NALCN: variants seen among roughly 807,000 people sequenced by gnomAD.
The protein encoded by NALCN is sodium leak channel, non-selective.
A neutral mutation model predicts 225.3 loss-of-function variants in NALCN; 111 were observed. That is an observed-to-expected ratio of 0.49 (90% CI 0.42 to 0.58). The LOEUF (loss-of-function observed/expected upper bound fraction) is 0.58, where lower values mean the gene tolerates loss of function less well. Ranked by LOEUF, NALCN falls within the 20% of genes least tolerant of loss-of-function variation. NALCN has a pLI of 0.00. For missense variants in NALCN, 1,378 were observed against 2,202.4 expected (o/e 0.63, Z 7.49); for synonymous variants, 764 against 769.0 (o/e 0.99, Z 0.11).
intron 7 of NALCN, among the ~76,000 whole-genome samples, chr13:101,343,344 G>A (rs981780801): frequency 6.6e-6 from 1 of 152,154 alleles, no homozygotes; most frequent in African/African-American, 2.4e-5. Flanking sequence ...TAAGCAAACG[G>A]ATGAAATTAA....
intron 10 of NALCN, among the ~76,000 whole-genome samples, chr13:101,264,534 A>C (rs1272696781): frequency 1.3e-5 from 2 of 152,128 alleles, no homozygotes; most frequent in African/African-American, 4.8e-5. Flanking sequence ...ATTATTAAGA[A>C]TGCAGGATCT....
chr13:101,066,270 A>G lies in NALCN; in HGVS notation c.4447-709T>C, dbSNP rs552023074. Among the ~76,000 whole-genome samples the G allele has an allele frequency of 2.7e-5, 4 of 149,600 alleles. No homozygotes were observed. The South Asian group carries it at 8.4e-4, about 31-fold the overall frequency. ...GAACCCAGGAAGCAGAGGTTGCACC[A>G]CTGCATTCCAGCCTGGAGACAGAGT... is the stretch of plus-strand genomic sequence containing the variant. On this transcript the variant is annotated intron_variant, in intron 39 of 43. Transcript: ENST00000251127.
chr13:101,209,756 T>G (rs1415807945), intron 13 of NALCN, among the ~76,000 whole-genome samples: 4 of 152,192 alleles, frequency 2.6e-5, no homozygotes, highest in Non-Finnish European at 4.4e-5. Context: ...TCCCACTGGC[T>G]TTACTTCATT....
intron 1 of NALCN, among the ~76,000 whole-genome samples, chr13:101,404,939 A>G (rs183014195): frequency 8.5e-5 from 13 of 152,362 alleles, no homozygotes; most frequent in Admixed American, 5.9e-4. Context: ...CCCAGTGTTA[A>G]ATTTGTATCT....
At chr13:101,269,010 A>T (rs934569207) in intron 10 of NALCN, among the ~76,000 whole-genome samples, 2 of 152,222 alleles carry the variant, frequency 1.3e-5, no homozygotes, top group Non-Finnish European at 2.9e-5. Flanking sequence ...TTATGGATTA[A>T]GAACTCAATA....
chr13:101,281,232 C>T (rs1004542201), intron 10 of NALCN, among the ~76,000 whole-genome samples: 1 of 152,158 alleles, frequency 6.6e-6, no homozygotes, highest in Non-Finnish European at 1.5e-5. Flanking sequence ...TATATATTCT[C>T]ATTGCATCTT....
At chr13:101,365,386 C>G (rs1191174023) in intron 6 of NALCN, among the ~76,000 whole-genome samples, 1 of 152,122 alleles carries the variant, frequency 6.6e-6, no homozygotes, top group Non-Finnish European at 1.5e-5. Context: ...CTCATTCTTT[C>G]TCATGGCTGC....
At chr13:101,324,705 A>G (rs1037745132) in intron 7 of NALCN, among the ~76,000 whole-genome samples, 1 of 152,180 alleles carries the variant, frequency 6.6e-6, no homozygotes, top group African/African-American at 2.4e-5. Context: ...TAGATATACA[A>G]TCATGTCATC....
At chr13:101,142,108 C>T (rs1456552899) in intron 17 of NALCN, among the ~76,000 whole-genome samples, 2 of 142,542 alleles carry the variant, frequency 1.4e-5, no homozygotes, top group African/African-American at 2.6e-5. Context: ...AATATGTTTA[C>T]TTATTATACC....
At chr13:101,119,649 C>T (rs1017346295) in intron 18 of NALCN, among the ~76,000 whole-genome samples, 4 of 152,184 alleles carry the variant, frequency 2.6e-5, no homozygotes, top group Non-Finnish European at 5.9e-5. Context: ...GGTAGTGATG[C>T]TTTTGAAAGT....
intron 17 of NALCN, 39 bp downstream of exon 17, chr13:101,143,041 C>T (rs1383720107): frequency 2.6e-5 from 42 of 1,613,438 alleles, no homozygotes; most frequent in Non-Finnish European, 3.5e-5. Context: ...AACATAGATG[C>T]TTTTTAGAAG....
intron 11 of NALCN, 90 bp downstream of exon 11, chr13:101,258,353 G>C (rs1452617838): frequency 6.5e-7 from 1 of 1,530,886 alleles, no homozygotes; most frequent in African/African-American, 1.4e-5. Flanking sequence ...GTAATGAACA[G>C]GCTACACTTC....
At chr13:101,339,511 T>C (rs1371616817) in intron 7 of NALCN, among the ~76,000 whole-genome samples, 1 of 152,118 alleles carries the variant, frequency 6.6e-6, no homozygotes, top group African/African-American at 2.4e-5. Flanking sequence ...AAATAACTAG[T>C]ATCTCAGTTG....
chr13:101,083,623 C>T lies in NALCN; in HGVS notation c.3583+88G>A, dbSNP rs1332445932. ...TATGCACAACCTCCCAGCGGCCTCA[C>T]GATTATTATTTTAATTTAAATCTGA... On this transcript the variant is annotated intron_variant, in intron 31 of 43. Transcript: ENST00000251127. The T allele has an allele frequency of 1.1e-5, 14 of 1,326,950 alleles. 1 individual carries two copies. Among genetic ancestry groups the T allele is most frequent in the Middle Eastern group, 2.2e-4 (1 of 4,484 alleles). The allele number at this position is 1,326,950 out of a possible 1,614,324, so 82.2% of individuals were successfully genotyped here. A position where few individuals can be genotyped will look rare whatever the true frequency, so the allele number is the denominator to read the frequency against.
At chr13:101,337,229 G>A (rs1165753982) in intron 7 of NALCN, among the ~76,000 whole-genome samples, 1 of 151,892 alleles carries the variant, frequency 6.6e-6, no homozygotes, top group East Asian at 1.9e-4. Context: ...ACCCCTTAAG[G>A]GGCCATCAGT....
Position 101,144,017 on chromosome 13 carries a change from G to A in NALCN, c.1976+743C>T, listed in dbSNP as rs1012879183. On this transcript the variant is annotated intron_variant, in intron 16 of 43. Coordinates refer to ENST00000251127, the MANE Select transcript of NALCN (RefSeq NM_052867.4). ...TAGAAATGCAAATATATTTCTACCCGAATTTTAAATATTATGGCACCATAT... is the reference window on the plus strand; with the variant it reads ...TAGAAATGCAAATATATTTCTACCCAAATTTTAAATATTATGGCACCATAT... Among the ~76,000 whole-genome samples the A allele has an allele frequency of 3.3e-5, 5 of 151,940 alleles. No homozygotes were observed. The South Asian group carries it at 6.2e-4, about 19-fold the overall frequency.
intron 27 of NALCN, among the ~76,000 whole-genome samples, chr13:101,097,623 A>G (rs2034581714): frequency 6.6e-6 from 1 of 152,164 alleles, no homozygotes; most frequent in South Asian, 2.1e-4. Flanking sequence ...TTTCCTCATT[A>G]GGAATGGATA....
intron 1 of NALCN, among the ~76,000 whole-genome samples, chr13:101,406,166 A>AT (rs1004106560): frequency 1.3e-5 from 2 of 150,576 alleles, no homozygotes; most frequent in Non-Finnish European, 2.9e-5. Context: ...AAAAAAAAAA[A>AT]ATACAAAAAA....
intron 6 of NALCN, among the ~76,000 whole-genome samples, chr13:101,353,665 C>T (rs1365195057): frequency 6.6e-6 from 1 of 152,152 alleles, no homozygotes; most frequent in Non-Finnish European, 1.5e-5. Context: ...TAACCTGGCA[C>T]ATTTTTTCTA....
Sources: gnomAD v4.1 joint callset for allele counts (sites outside exome capture counted in the v4.1 genomes callset) on GRCh38, gnomAD v4.1.1 for gene constraint, MANE v1.5 for transcripts, NCBI Gene and HGNC (gene_info 2026-07-23, HGNC 2026-07-21) for gene names.